The following ZNF823 variants were observed in gnomAD, a reference collection of about 807,000 sequenced individuals.
ZNF823 encodes zinc finger protein 823.
A neutral mutation model predicts 11.4 loss-of-function variants in ZNF823; 5 were observed. That is an observed-to-expected ratio of 0.44 (90% CI 0.23 to 0.92). The LOEUF (loss-of-function observed/expected upper bound fraction) is 0.92. ZNF823 is among the 40% of genes least tolerant of loss of function. The probability of loss-of-function intolerance (pLI) is 0.24; values close to 1 mark genes in which losing one functional copy is unlikely to be tolerated. For synonymous variants in ZNF823, 234 were observed against 250.5 expected, an observed-to-expected ratio of 0.93 and a Z score of 0.62; for missense variants, 582 against 738.5, an observed-to-expected ratio of 0.79 and a Z score of 2.46.
chr19:11,733,729 A>C (rs1157316345), intron 1 of ZNF823, among the ~76,000 whole-genome samples: 1 of 152,142 alleles, frequency 6.6e-6, no homozygotes, highest in Non-Finnish European at 1.5e-5. Flanking sequence ...TATTTTTAAA[A>C]ATTATATCAC....
In ZNF823 at chr19:11,721,725, C is replaced by T. The variant is rs373109717; in HGVS notation, c.1809G>A (p.Arg603=). ...SSLRSLHRHK[R]THWKDTL Reference sequence around the variant, plus strand: ...TTTAGAGAGTATCTTTCCAGTGAGTCCTTTTATGTCTATGCAAGGAACGGA... The same window carrying T: ...TTTAGAGAGTATCTTTCCAGTGAGTTCTTTTATGTCTATGCAAGGAACGGA... Residue 603 remains arginine (R), a synonymous_variant, in exon 4 of 4, where the codon AGG becomes AGA. Coordinates refer to ENST00000341191, the MANE Select transcript of ZNF823 (RefSeq NM_001080493.4). The T allele has an allele frequency of 8.1e-6, 13 of 1,612,222 alleles. No homozygotes were observed. The highest frequency in any genetic ancestry group is 1.1e-5 in the Non-Finnish European group (13 of 1,179,114).
chr19:11,727,229 G>A (rs1338062939), intron 1 of ZNF823, among the ~76,000 whole-genome samples: 1 of 152,054 alleles, frequency 6.6e-6, no homozygotes, highest in Admixed American at 6.6e-5. Flanking sequence ...AAACCTAACC[G>A]GCAGGGTGTG....
chr19:11,731,026 C>T (rs1974884485), intron 1 of ZNF823, among the ~76,000 whole-genome samples: 1 of 150,434 alleles, frequency 6.6e-6, no homozygotes. Flanking sequence ...AAAAAAACCG[C>T]CCGCAGCCGG....
In ZNF823 at chr19:11,726,287, C is replaced by CATATACATATATATATAT. The variant is rs1555766612; in HGVS notation, c.4-961_4-960insATATATATATATGTATAT. On this transcript the variant is annotated intron_variant, in intron 1 of 3. Coordinates refer to ENST00000341191, the MANE Select transcript of ZNF823 (RefSeq NM_001080493.4). ...AGTAAAAAACAAAAAATAAAAAATA[C>CATATACATATATATATAT]ATATATATATATATATATATAAATT... is the stretch of plus-strand genomic sequence containing the variant. 1.4e-3 allele frequency among the ~76,000 whole-genome samples: 157 copies of CATATACATATATATATAT among 112,232 alleles called. 5 individuals are homozygous for CATATACATATATATATAT. The South Asian group carries it at 0.016, about 11-fold the overall frequency. The allele number at this position is 112,232 out of a possible 152,430, so 73.6% of individuals were successfully genotyped here. A position where few individuals can be genotyped will look rare whatever the true frequency, so the allele number is the denominator to read the frequency against.
chr19:11,726,287 C>CATATACATATATATAT lies in ZNF823; in HGVS notation c.4-961_4-960insATATATATATGTATAT, dbSNP rs1555766612. 3.1e-3 allele frequency among the ~76,000 whole-genome samples: 351 copies of CATATACATATATATAT among 112,230 alleles called. 16 individuals carry two copies. The highest frequency in any genetic ancestry group is 6.6e-3 in the South Asian group (21 of 3,178). 73.6% of individuals were successfully genotyped at this position (112,230 alleles called of 152,430 possible). A position where few individuals can be genotyped will look rare whatever the true frequency, so the allele number is the denominator to read the frequency against. On this transcript the variant is annotated intron_variant, in intron 1 of 3. Coordinates refer to ENST00000341191, the MANE Select transcript of ZNF823 (RefSeq NM_001080493.4). Reference sequence around the variant, plus strand: ...AGTAAAAAACAAAAAATAAAAAATACATATATATATATATATATATAAATT... The same window carrying CATATACATATATATAT: ...AGTAAAAAACAAAAAATAAAAAATACATATACATATATATATATATATATATATATATATATAAATT...
At position 11,733,107 on chromosome 19, in the gene ZNF823, G is replaced by A. The variant is rs148595692; in HGVS notation, c.3+5710C>T. Among the ~76,000 whole-genome samples the A allele has an allele frequency of 3.8e-3, 578 of 152,244 alleles. 6 individuals carry two copies. Among genetic ancestry groups the A allele is most frequent in the African/African-American group, 0.013 (550 of 41,560 alleles). On this transcript the variant is annotated intron_variant, in intron 1 of 3. Transcript: ENST00000341191. ...GACCAAGGCGGGTGCAGCCGCTCAC[G>A]CCTGTAATCCCAGCACTTTGGGAGG...
chr19:11,736,981 C>T (rs1459326429), intron 1 of ZNF823, among the ~76,000 whole-genome samples: 1 of 152,180 alleles, frequency 6.6e-6, no homozygotes, highest in Non-Finnish European at 1.5e-5. Context: ...CCTCCCACCC[C>T]ACGACATCCA....
In ZNF823 at chr19:11,722,400, G is replaced by A. The variant is rs756369831; in HGVS notation, c.1134C>T (p.His378=). 3 of 1,613,628 alleles carry A rather than the reference G, an allele frequency of 1.9e-6. No homozygotes were observed. The highest frequency in any genetic ancestry group is 2.5e-6 in the Non-Finnish European group (3 of 1,179,942). Residue 378 remains histidine, a synonymous_variant, in exon 4 of 4, where the codon CAC becomes CAT. Transcript: ENST00000341191. This position sits in a 1 kb window ranked among gnomAD's most constrained non-coding sequence, Gnocchi z 5.2. Reference sequence around the variant, plus strand: ...GTCCATCTCCTGTGTGTGTTATCATGTGACTTCGAAAGCTCGAGCTATGAG... The same window carrying A: ...GTCCATCTCCTGTGTGTGTTATCATATGACTTCGAAAGCTCGAGCTATGAG... The part of the protein sequence containing the change: ...VLSHSSSFRS[H]MITHTGDGPQ...
intron 1 of ZNF823, among the ~76,000 whole-genome samples, chr19:11,728,296 C>T (rs1038517854): frequency 2.6e-5 from 4 of 152,196 alleles, no homozygotes; most frequent in Middle Eastern, 3.4e-3. Context: ...CAACAGATTA[C>T]GGTTAAGACG....
chr19:11,723,731 G>A (rs1974739117), intron 3 of ZNF823, among the ~76,000 whole-genome samples: 1 of 152,184 alleles, frequency 6.6e-6, no homozygotes, highest in Admixed American at 6.5e-5. Context: ...TTTTAGTAGA[G>A]ACAGGGTTTC....
At chr19:11,736,106 T>G (rs1974988437) in intron 1 of ZNF823, among the ~76,000 whole-genome samples, 1 of 151,498 alleles carries the variant, frequency 6.6e-6, no homozygotes, top group African/African-American at 2.5e-5. Context: ...CATCAATATA[T>G]CCACCACACT....
At chr19:11,727,950 C>T (rs1294937290) in intron 1 of ZNF823, among the ~76,000 whole-genome samples, 1 of 151,380 alleles carries the variant, frequency 6.6e-6, no homozygotes, top group Non-Finnish European at 1.5e-5. Context: ...TTCAGTGTCT[C>T]GCTGCAAGCT....
chr19:11,736,054 T>G (rs1974987408), intron 1 of ZNF823, among the ~76,000 whole-genome samples: 1 of 149,622 alleles, frequency 6.7e-6, no homozygotes, highest in Admixed American at 6.6e-5. Flanking sequence ...TTCTCCACTC[T>G]ACAAAGGAGA....
chr19:11,722,020 C>A lies in ZNF823; in HGVS notation c.1514G>T (p.Arg505Ile), dbSNP rs200560875. ...VEKPYECKTCRKAFSHFSNLK... is the reference protein window; with the variant it reads ...VEKPYECKTCIKAFSHFSNLK... ...GTTACTGAAATGACTGAAGGCTTTTCTACATGTTTTACACTCATAAGGTTT... is the reference window on the plus strand; with the variant it reads ...GTTACTGAAATGACTGAAGGCTTTTATACATGTTTTACACTCATAAGGTTT... Residue 505 changes from arginine to isoleucine, a missense_variant, in exon 4 of 4, where the codon AGA becomes ATA. Arg to Ile is a moderately conservative substitution (Grantham distance 97). This residue lies in a region of ZNF823 where 144 missense variants were observed against 154.3 expected (regional missense o/e 0.93). Transcript: ENST00000341191. The surrounding 1 kb of genome is among the most constrained non-coding windows in gnomAD (Gnocchi z 5.2). The A allele has an allele frequency of 1.9e-4, 308 of 1,614,024 alleles. No individual in the cohort carries two copies. The highest frequency in any genetic ancestry group is 3.0e-4 in the Admixed American group (18 of 59,994).
At chr19:11,725,441 C>A in intron 1 of ZNF823, 114 bp from the exon 2 acceptor site, 1 of 1,428,832 alleles carries the variant, frequency 7.0e-7, no homozygotes, top group Non-Finnish European at 9.6e-7. Flanking sequence ...TATTCGATGA[C>A]ATAGTAAACC....
rs767772659 is a variant in ZNF823 at position 11,725,320 on chromosome 19, A to C, written c.11T>G (p.Val4Gly). The change falls in exon 2 of 4, where the codon GTG becomes GGG. Residue 4 changes from valine to glycine, a missense_variant. By Grantham distance (109) the Val-to-Gly change is moderately radical (BLOSUM62 -3). This residue lies in a region of ZNF823 where 429 missense variants were observed against 553.7 expected (regional missense o/e 0.77). Transcript: ENST00000341191. Reference sequence around the variant, plus strand: ...GTTCACAGCCACATCTTCAAAGGCCACTGAGTCCTGAAACATCCCACATGT... The same window carrying C: ...GTTCACAGCCACATCTTCAAAGGCCCCTGAGTCCTGAAACATCCCACATGT... The part of the protein sequence containing the change: MDS[V>G]AFEDVAVNFT... The C allele has an allele frequency of 6.2e-7, 1 of 1,613,968 alleles. No homozygotes were observed. Among genetic ancestry groups the C allele is most frequent in the Non-Finnish European group, 8.5e-7 (1 of 1,179,862 alleles).
chr19:11,731,775 T>C (rs8113332), intron 1 of ZNF823, among the ~76,000 whole-genome samples: 91,743 of 151,940 alleles, frequency 0.6, 28,404 homozygotes, highest in African/African-American at 0.74. Context: ...TTTGAGAGGC[T>C]GAGGCAGGTG....
At chr19:11,724,935 C>T (rs2145206314) in intron 2 of ZNF823, among the ~76,000 whole-genome samples, 1 of 152,188 alleles carries the variant, frequency 6.6e-6, no homozygotes, top group South Asian at 2.1e-4. Context: ...GTATGTAATA[C>T]ATATGACATA....
Position 11,725,336 on chromosome 19 carries a change from T to A in ZNF823, c.4-9A>T, listed in dbSNP as rs1331742721. 1.2e-6 allele frequency: 2 copies of A among 1,613,370 alleles called. No homozygotes were observed. The highest frequency in any genetic ancestry group is 2.7e-5 in the African/African-American group (2 of 74,910). On this transcript the variant is annotated splice_polypyrimidine_tract_variant and intron_variant, in intron 1 of 3. Coordinates refer to ENST00000341191, the MANE Select transcript of ZNF823 (RefSeq NM_001080493.4). ...TCAAAGGCCACTGAGTCCTGAAACA[T>A]CCCACATGTGCAGAGGAGGAAGGTT...
Sources: gnomAD v4.1 joint callset for allele counts (sites outside exome capture counted in the v4.1 genomes callset) on GRCh38, gnomAD v4.1.1 for gene constraint, gnomAD v4.1.1 regional missense constraint, Gnocchi (gnomAD v3.1) non-coding constraint, MANE v1.5 for transcripts, NCBI Gene and HGNC (gene_info 2026-07-23, HGNC 2026-07-21) for gene names.